The following STK3 variants were observed in gnomAD, a reference collection of about 807,000 sequenced individuals.
STK3 encodes the protein serine/threonine-protein kinase 3.
In STK3, 41 loss-of-function variants were observed where a neutral mutation model predicts 58.0. The observed-to-expected ratio is 0.71, with a 90% CI of 0.55 to 0.92. The LOEUF is 0.92. STK3 is among the 40% of genes least tolerant of loss of function. STK3 has a pLI of 0.00. For synonymous variants in STK3, 170 were observed against 191.0 expected, an observed-to-expected ratio of 0.89 and a Z score of 0.91; for missense variants, 479 against 602.7, an observed-to-expected ratio of 0.79 and a Z score of 2.15.
rs1008267826 is a variant in STK3, at chr8:98,942,217, C to T, written c.-79+161G>A. On this transcript the variant is annotated intron_variant, in intron 1 of 1. Transcript: ENST00000519420. Reference sequence around the variant, plus strand: ...GCCCCCAGTGGGCGCAGAGGTGGCCCAGGAGGGCCCGCGGACGGTGCTGCG... The same window carrying T: ...GCCCCCAGTGGGCGCAGAGGTGGCCTAGGAGGGCCCGCGGACGGTGCTGCG... Among the ~76,000 whole-genome samples, 12 of 152,272 alleles carry T rather than the reference C, an allele frequency of 7.9e-5. No homozygotes were observed. The South Asian group carries it at 8.3e-4, about 11-fold the overall frequency.
chr8:98,626,682 T>C (rs1037654643), intron 6 of STK3, among the ~76,000 whole-genome samples: 1 of 152,208 alleles, frequency 6.6e-6, no homozygotes, highest in African/African-American at 2.4e-5. Context: ...AAATGTATTC[T>C]AATAAAGTAG....
chr8:98,918,099 T>G (rs1353925663), intron 1 of STK3, among the ~76,000 whole-genome samples: 1 of 152,246 alleles, frequency 6.6e-6, no homozygotes, highest in Non-Finnish European at 1.5e-5. Context: ...GGCTGAGATG[T>G]GAATTGCAAA....
chr8:98,579,652 A>G lies in STK3; in HGVS notation c.948+12T>C, dbSNP rs1321099474. The stretch of plus-strand genomic sequence containing the variant: ...GAAGAAAAAAATCAACTTTTTGAAG[A>G]TAATTACAAACCGAATTTTCTTCTT... On this transcript the variant is annotated intron_variant, in intron 8 of 10. Transcript: ENST00000419617. 3 of 1,600,178 alleles carry G rather than the reference A, an allele frequency of 1.9e-6. No individual in the cohort carries two copies. The African/African-American group carries it at 4.0e-5, about 22-fold the overall frequency.
intron 6 of STK3, among the ~76,000 whole-genome samples, chr8:98,678,343 C>T (rs974882387): frequency 1.3e-5 from 2 of 151,890 alleles, no homozygotes; most frequent in South Asian, 2.1e-4. Context: ...ATATGCTACA[C>T]CTTAAATTAA....
intron 7 of STK3, among the ~76,000 whole-genome samples, chr8:98,584,078 C>CT (rs922620361): frequency 6.5e-4 from 94 of 145,256 alleles, no homozygotes; most frequent in African/African-American, 2.0e-3. Context: ...TAGTGAAAAT[C>CT]TTTTTTTTTT....
At chr8:98,358,268 A>C in the STK3 span, among the ~76,000 whole-genome samples, 1 of 152,168 alleles carries the variant, frequency 6.6e-6, no homozygotes, top group Admixed American at 6.5e-5. Flanking sequence ...AGAACTTCCC[A>C]CCAGCAGGGG....
At chr8:98,790,134 C>T (rs1019106337) in intron 1 of STK3, among the ~76,000 whole-genome samples, 2 of 151,774 alleles carry the variant, frequency 1.3e-5, no homozygotes, top group African/African-American at 4.8e-5. Flanking sequence ...GAAACTATAC[C>T]ACAAGACAGA....
At chr8:98,637,418 A>T (rs1389753969) in intron 6 of STK3, among the ~76,000 whole-genome samples, 1 of 152,184 alleles carries the variant, frequency 6.6e-6, no homozygotes, top group Non-Finnish European at 1.5e-5. Context: ...AGAAAAGAAA[A>T]AAGGAAGAAA....
intron 10 of STK3, among the ~76,000 whole-genome samples, chr8:98,464,540 T>TAAAAAAAAAAAAAAAAAA: frequency 1.2e-4 from 8 of 69,222 alleles, no homozygotes; most frequent in African/African-American, 2.3e-4. Flanking sequence ...TACTTAAAGT[T>TAAAAAAAAAAAAAAAAAA]AAAAAAAAAA....
chr8:98,582,951 T>G (rs1238682974), intron 7 of STK3, among the ~76,000 whole-genome samples: 1 of 152,140 alleles, frequency 6.6e-6, no homozygotes, highest in African/African-American at 2.4e-5. Flanking sequence ...CAATGCTATA[T>G]TAATATATCA....
At chr8:98,905,494 G>T (rs1353881426) in intron 1 of STK3, 9 of 1,187,044 alleles carry the variant, frequency 7.6e-6, no homozygotes, top group Non-Finnish European at 1.1e-5. Flanking sequence ...ACCCCATGAA[G>T]CTTGTAATGA....
chr8:98,650,706 G>C (rs1820830066), intron 6 of STK3, among the ~76,000 whole-genome samples: 1 of 152,228 alleles, frequency 6.6e-6, no homozygotes, highest in African/African-American at 2.4e-5. Flanking sequence ...ATGGCTCGGA[G>C]GGTCCTACGC....
chr8:98,705,607 TTCTA>T (rs1160082770), intron 6 of STK3, among the ~76,000 whole-genome samples: 16 of 152,056 alleles, frequency 1.1e-4, no homozygotes, highest in South Asian at 4.1e-4. Context: ...TTCTTCCTCT[TTCTA>T]TCTATTTACT....
rs373141513 is a variant in STK3 at position 98,907,256 on chromosome 8, G to A, written c.-78-23422C>T. 5.3e-5 allele frequency among the ~76,000 whole-genome samples: 8 copies of A among 152,270 alleles called. No homozygotes were observed. In the East Asian group the frequency reaches 1.2e-3, roughly 22 times the overall value. ...AGGCCGGGTGCGGTGGCTTATGGCTGTAATCCCAGCACTTTGGGAGGCTGA... is the reference window on the plus strand; with the variant it reads ...AGGCCGGGTGCGGTGGCTTATGGCTATAATCCCAGCACTTTGGGAGGCTGA... On this transcript the variant is annotated intron_variant, in intron 1 of 1. Coordinates refer to the STK3 transcript ENST00000519420.
chr8:98,588,625 C>G (rs531834147), intron 7 of STK3, among the ~76,000 whole-genome samples: 38 of 151,964 alleles, frequency 2.5e-4, no homozygotes, highest in Non-Finnish European at 4.0e-4. Context: ...TCTGTATTTC[C>G]TGAATCTGAA....
chr8:98,612,883 T>G (rs1324744230), intron 6 of STK3, among the ~76,000 whole-genome samples: 2 of 151,988 alleles, frequency 1.3e-5, no homozygotes, highest in Non-Finnish European at 2.9e-5. Context: ...AGCCAAGAAT[T>G]TCACCCCTCT....
At chr8:98,698,431 G>A (rs1252773988) in intron 6 of STK3, among the ~76,000 whole-genome samples, 20 of 152,226 alleles carry the variant, frequency 1.3e-4, no homozygotes, top group Admixed American at 6.5e-4. Flanking sequence ...TATTTTGCTC[G>A]TTAGTTGATA....
chr8:98,474,114 C>T (rs1821127380), intron 10 of STK3, among the ~76,000 whole-genome samples: 1 of 152,134 alleles, frequency 6.6e-6, no homozygotes, highest in Non-Finnish European at 1.5e-5. Context: ...TCAAATGTTG[C>T]CATGCCTTGT....
intron 6 of STK3, among the ~76,000 whole-genome samples, chr8:98,652,844 G>A (rs1284060292): frequency 6.6e-6 from 1 of 151,516 alleles, no homozygotes; most frequent in African/African-American, 2.4e-5. Flanking sequence ...AGTCCTGAGT[G>A]ACCTACAAAG....
Sources: gnomAD v4.1 joint callset for allele counts (sites outside exome capture counted in the v4.1 genomes callset) on GRCh38, gnomAD v4.1.1 for gene constraint, MANE v1.5 for transcripts, NCBI Gene and HGNC (gene_info 2026-07-23, HGNC 2026-07-21) for gene names.